Variants in NPAS3 observed in about 807,000 individuals in gnomAD.
The protein encoded by NPAS3 is neuronal PAS domain-containing protein 3.
NPAS3 carries 14 observed loss-of-function variants against 73.1 expected under a neutral mutation model. That is an observed-to-expected ratio of 0.19 (90% CI 0.13 to 0.30). The LOEUF is 0.30. Among genes scored for constraint, NPAS3 ranks in the 10% least tolerant of loss-of-function variants. The pLI, the probability that NPAS3 is intolerant of heterozygous loss-of-function variation, is 1.00. For synonymous variants in NPAS3, 620 were observed against 541.5 expected (o/e 1.14, Z -2.01); for missense variants, 1,096 against 1,250.0 (o/e 0.88, Z 1.86).
chr14:33,216,731 C>T (rs2047237530), intron 3 of NPAS3, among the ~76,000 whole-genome samples: 1 of 152,154 alleles, frequency 6.6e-6, no homozygotes, highest in Non-Finnish European at 1.5e-5. Flanking sequence ...AAATAGGCAG[C>T]AGCCACAACA....
chr14:33,426,001 C>T (rs1314671390), intron 4 of NPAS3, among the ~76,000 whole-genome samples: 2 of 152,074 alleles, frequency 1.3e-5, no homozygotes, highest in Non-Finnish European at 2.9e-5. Flanking sequence ...GGTTTAGACT[C>T]ATCAGGTCAT....
chr14:33,463,882 G>C (rs2050385113), intron 4 of NPAS3, among the ~76,000 whole-genome samples: 1 of 152,208 alleles, frequency 6.6e-6, no homozygotes, highest in South Asian at 2.1e-4. Flanking sequence ...TATGAAAACA[G>C]TTGCAGTGGG....
In NPAS3 at chr14:33,252,043, G is replaced by A. The variant is rs961942742; in HGVS notation, c.385+36617G>A. Reference sequence around the variant, plus strand: ...GTATTAGAACCTTTCGTGGGTGTTTGCGTGTGTGTGTGTCTGTGTGTGTGT... The same window carrying A: ...GTATTAGAACCTTTCGTGGGTGTTTACGTGTGTGTGTGTCTGTGTGTGTGT... On this transcript the variant is annotated intron_variant, in intron 3 of 11. Coordinates refer to ENST00000356141, the Ensembl canonical transcript of NPAS3. Among the ~76,000 whole-genome samples, 12 of 117,148 alleles carry A rather than the reference G, an allele frequency of 1.0e-4. No homozygotes were observed. In the Admixed American group the frequency reaches 1.3e-3, roughly 12 times the overall value. 76.9% of individuals were successfully genotyped at this position (117,148 alleles called of 152,430 possible).
At chr14:33,319,176 C>G (rs1334050855) in intron 3 of NPAS3, among the ~76,000 whole-genome samples, 1 of 151,716 alleles carries the variant, frequency 6.6e-6, no homozygotes, top group Admixed American at 6.6e-5. Context: ...GGTGGTGAGA[C>G]TTCTTATGTG....
At chr14:33,573,766 G>A (rs937941462) in intron 5 of NPAS3, among the ~76,000 whole-genome samples, 1 of 152,100 alleles carries the variant, frequency 6.6e-6, no homozygotes, top group Non-Finnish European at 1.5e-5. Context: ...TTAGATTTGT[G>A]CTTTAGGGAA....
intron 4 of NPAS3, among the ~76,000 whole-genome samples, chr14:33,399,588 T>A (rs2047364375): frequency 6.6e-6 from 1 of 151,918 alleles, no homozygotes; most frequent in Non-Finnish European, 1.5e-5. Context: ...ATTACAGAGA[T>A]CAACAATTCA....
intron 7 of NPAS3, among the ~76,000 whole-genome samples, chr14:33,748,334 A>T (rs113703164): frequency 6.6e-6 from 1 of 152,202 alleles, no homozygotes; most frequent in East Asian, 1.9e-4. Flanking sequence ...AAAAGCCTAT[A>T]CTAATGGTTG....
chr14:32,995,658 G>C (rs61980341), intron 1 of NPAS3, among the ~76,000 whole-genome samples: 10,620 of 152,290 alleles, frequency 0.07, 422 homozygotes, highest in Middle Eastern at 0.16. Context: ...GGTTTTAAAA[G>C]TGGGAGTTTC....
chr14:33,231,541 A>G (rs1269266276), intron 3 of NPAS3, among the ~76,000 whole-genome samples: 3 of 152,172 alleles, frequency 2.0e-5, no homozygotes, highest in Non-Finnish European at 2.9e-5. Context: ...ATGGTGATCT[A>G]TGATCATTCT....
At chr14:33,655,198 C>G (rs909261893) in intron 5 of NPAS3, among the ~76,000 whole-genome samples, 3 of 152,152 alleles carry the variant, frequency 2.0e-5, no homozygotes, top group Non-Finnish European at 4.4e-5. Flanking sequence ...AGACTAGAAC[C>G]CAGTTCTCCT....
chr14:33,090,676 C>G (rs1379640727), intron 2 of NPAS3, among the ~76,000 whole-genome samples: 1 of 152,198 alleles, frequency 6.6e-6, no homozygotes. Context: ...ACTCTCCACT[C>G]CAAATCAACA....
intron 6 of NPAS3, among the ~76,000 whole-genome samples, chr14:33,700,951 G>A (rs923765225): frequency 3.9e-5 from 6 of 152,208 alleles, no homozygotes; most frequent in Non-Finnish European, 2.9e-5. Flanking sequence ...GGAGGAAAAA[G>A]AGATACAAAT....
intron 3 of NPAS3, among the ~76,000 whole-genome samples, chr14:33,250,671 T>G (rs1315688335): frequency 6.6e-6 from 1 of 152,152 alleles, no homozygotes; most frequent in Non-Finnish European, 1.5e-5. Flanking sequence ...AAATTGGTAA[T>G]TATTCATGCT....
intron 2 of NPAS3, among the ~76,000 whole-genome samples, chr14:33,131,195 G>A (rs2043622411): frequency 6.6e-6 from 1 of 152,100 alleles, no homozygotes; most frequent in African/African-American, 2.4e-5. Context: ...CTAGTTTTTA[G>A]TCTCTCTTGT....
chr14:33,741,218 A>G (rs1298610393), intron 7 of NPAS3, among the ~76,000 whole-genome samples: 1 of 152,170 alleles, frequency 6.6e-6, no homozygotes, highest in East Asian at 1.9e-4. Flanking sequence ...TGCTTCTCCT[A>G]AAGCCTTTTG....
intron 7 of NPAS3, among the ~76,000 whole-genome samples, chr14:33,752,388 G>A (rs1287127408): frequency 6.6e-6 from 1 of 152,120 alleles, no homozygotes; most frequent in Non-Finnish European, 1.5e-5. Flanking sequence ...CCATTTAAGA[G>A]TAGATATTTT....
chr14:32,981,722 C>G (rs1595146056), intron 1 of NPAS3, among the ~76,000 whole-genome samples: 1 of 152,110 alleles, frequency 6.6e-6, no homozygotes, highest in Non-Finnish European at 1.5e-5. Flanking sequence ...TACGGCAGCA[C>G]AAGTCCTGCT....
At chr14:33,673,541 C>CCAAA (rs2059670250) in intron 5 of NPAS3, among the ~76,000 whole-genome samples, 1 of 152,192 alleles carries the variant, frequency 6.6e-6, no homozygotes, top group African/African-American at 2.4e-5. Flanking sequence ...TCCTGATCCA[C>CCAAA]CAAACAGCAA....
chr14:33,452,774 C>CAAAA (rs61640170), intron 4 of NPAS3, among the ~76,000 whole-genome samples: 985 of 53,734 alleles, frequency 0.018, 190 homozygotes, highest in Middle Eastern at 0.11. Context: ...GACTCTGTCT[C>CAAAA]AAAAAAAAAA....
Sources: allele counts gnomAD v4.1 joint callset (sites outside exome capture counted in the v4.1 genomes callset), GRCh38; gene constraint gnomAD v4.1.1; transcripts MANE v1.5; gene names NCBI Gene and HGNC (gene_info 2026-07-23, HGNC 2026-07-21).